Variants in WFDC2 observed in about 807,000 individuals in gnomAD.
WFDC2 encodes WAP four-disulfide core domain protein 2.
Under a neutral mutation model 12.5 loss-of-function variants are expected in WFDC2, and 8 were observed. The ratio of observed to expected loss-of-function variants is 0.64; its 90% CI spans 0.37 to 1.15. The LOEUF (loss-of-function observed/expected upper bound fraction) is 1.15. WFDC2 is among the 50% of genes most tolerant of loss of function. WFDC2 has a pLI of 0.01. For missense variants in WFDC2, 166 were observed against 159.9 expected (o/e 1.04, Z -0.21); for synonymous variants, 74 against 67.2 (o/e 1.10, Z -0.49).
In WFDC2 at chr20:45,470,327, T is replaced by C. The variant is rs1409651775; in HGVS notation, c.80-62T>C. 1.2e-5 allele frequency: 18 copies of C among 1,518,968 alleles called. No homozygotes were observed. Among genetic ancestry groups the C allele is most frequent in the Non-Finnish European group, 1.6e-5 (18 of 1,129,136 alleles). The allele number at this position is 1,518,968 out of a possible 1,614,324, so 94.1% of individuals were successfully genotyped here. On this transcript the variant is annotated intron_variant, in intron 1 of 3. Transcript: ENST00000372676. The surrounding 1 kb of genome is among the most constrained non-coding windows in gnomAD (Gnocchi z 5.4). ...TGGGGTTAAGGTTTGGAGCAGGAGGTGGGCATCCTCTGGGGCTGGCGCTAC... is the reference window on the plus strand; with the variant it reads ...TGGGGTTAAGGTTTGGAGCAGGAGGCGGGCATCCTCTGGGGCTGGCGCTAC...
intron 2 of WFDC2, among the ~76,000 whole-genome samples, chr20:45,477,542 A>G (rs201473478): frequency 5.5e-4 from 77 of 139,808 alleles, no homozygotes; most frequent in South Asian, 1.6e-3. Context: ...TCCTTCCTCT[A>G]GAAGCTTTGT....
intron 2 of WFDC2, chr20:45,479,692 C>T (rs1991276210): frequency 6.2e-7 from 1 of 1,613,912 alleles, no homozygotes; most frequent in Non-Finnish European, 8.5e-7. Context: ...GATTTCTGGC[C>T]CTAGGCCACG....
chr20:45,481,172 A>AG, intron 3 of WFDC2, among the ~76,000 whole-genome samples, 199 bp from the exon 4 acceptor site: 1 of 152,122 alleles, frequency 6.6e-6, no homozygotes, highest in Non-Finnish European at 1.5e-5. Flanking sequence ...GGTACCTGCT[A>AG]GGGATGGTCT....
At position 45,480,452 on chromosome 20, in the gene WFDC2, C is replaced by CAA. The variant is rs61338717; in HGVS notation, c.*1+374_*1+375dup. On this transcript the variant is annotated intron_variant, in intron 3 of 3. Transcript: ENST00000372676. ...GAAACCCCGTCTCTACTAAAAATACCAAAAAAAAAAAAAAAAATTTAATGG... is the reference window on the plus strand; with the variant it reads ...GAAACCCCGTCTCTACTAAAAATACCAAAAAAAAAAAAAAAAAAATTTAATGG... 3.4e-3 allele frequency among the ~76,000 whole-genome samples: 458 copies of CAA among 133,164 alleles called. 1 individual carries two copies. Among genetic ancestry groups the CAA allele is most frequent in the African/African-American group, 9.2e-3 (340 of 36,838 alleles). 87.4% of individuals were successfully genotyped at this position (133,164 alleles called of 152,430 possible).
chr20:45,476,734 G>A (rs1010368493), intron 2 of WFDC2, among the ~76,000 whole-genome samples: 1 of 152,166 alleles, frequency 6.6e-6, no homozygotes, highest in South Asian at 2.1e-4. Context: ...CTAGGTTGGG[G>A]AAGTTCTCCT....
At chr20:45,480,524 G>A (rs1025731431) in intron 3 of WFDC2, among the ~76,000 whole-genome samples, 7 of 152,098 alleles carry the variant, frequency 4.6e-5, no homozygotes, top group Admixed American at 2.6e-4. Flanking sequence ...GGCTGAGGCA[G>A]GAGAATTGCT....
At chr20:45,475,078 T>G (rs1009547305) in intron 2 of WFDC2, among the ~76,000 whole-genome samples, 1 of 152,190 alleles carries the variant, frequency 6.6e-6, no homozygotes, top group Admixed American at 6.5e-5. Context: ...TTTTCTTTAT[T>G]AGTATGGCTA....
intron 2 of WFDC2, among the ~76,000 whole-genome samples, chr20:45,473,443 C>T: frequency 6.6e-6 from 1 of 152,144 alleles, no homozygotes; most frequent in East Asian, 1.9e-4. Flanking sequence ...ATAGGGAATC[C>T]TTTCCCCATT....
At chr20:45,473,028 A>G (rs941449170) in intron 2 of WFDC2, among the ~76,000 whole-genome samples, 1 of 151,890 alleles carries the variant, frequency 6.6e-6, no homozygotes, top group Non-Finnish European at 1.5e-5. Context: ...CCACGTTCTA[A>G]TGGGGTTTTT....
At position 45,470,130 on chromosome 20, in the gene WFDC2, G is replaced by T. The variant is rs1228159587; in HGVS notation, c.80-259G>T. Among the ~76,000 whole-genome samples the T allele has an allele frequency of 6.6e-6, 1 of 152,122 alleles. No individual in the cohort carries two copies. Among genetic ancestry groups the T allele is most frequent in the Admixed American group, 6.5e-5 (1 of 15,280 alleles). On this transcript the variant is annotated intron_variant, in intron 1 of 3. Transcript: ENST00000372676. The surrounding 1 kb of genome is among the most constrained non-coding windows in gnomAD (Gnocchi z 5.4). Reference sequence around the variant, plus strand: ...GTGGGGGCTGCTCTGCCTCGACCTCGGAAGCTCCGAGACGCTCAGCTGTGC... The same window carrying T: ...GTGGGGGCTGCTCTGCCTCGACCTCTGAAGCTCCGAGACGCTCAGCTGTGC...
chr20:45,479,948 AG>A lies in WFDC2; in HGVS notation c.233del (p.Gly78ValfsTer6). ...TACTCCTTTTTCTACCCAGATAAGG[AG>A]GGTTCCTGCCCCCAGGTGAACATTA... is the stretch of plus-strand genomic sequence containing the variant. ...ATFCSLPNDK[E>X]GSCPQVNINF... is the part of the protein sequence containing the mutation. On this transcript the variant is annotated frameshift_variant, in exon 3 of 4. Coordinates refer to ENST00000372676, the MANE Select transcript of WFDC2 (RefSeq NM_006103.4). LOFTEE classifies it high-confidence loss of function. 6.2e-7 allele frequency: 1 copy of A among 1,614,176 alleles called. No homozygotes were observed. Among genetic ancestry groups the A allele is most frequent in the Middle Eastern group, 1.6e-4 (1 of 6,062 alleles).
In WFDC2 at chr20:45,470,608, G is replaced by A. The variant is rs1415764435; in HGVS notation, c.223+76G>A. 12 of 1,472,954 alleles carry A rather than the reference G, an allele frequency of 8.1e-6. No individual in the cohort carries two copies. Among genetic ancestry groups the A allele is most frequent in the African/African-American group, 5.6e-5 (4 of 70,922 alleles). The allele number at this position is 1,472,954 out of a possible 1,614,324, so 91.2% of individuals were successfully genotyped here. On this transcript the variant is annotated intron_variant, in intron 2 of 3. Coordinates refer to ENST00000372676, the MANE Select transcript of WFDC2 (RefSeq NM_006103.4). This position sits in a 1 kb window ranked among gnomAD's most constrained non-coding sequence, Gnocchi z 5.4. ...GAGGAGGTGGGAGGGCCCGGGTTCC[G>A]GGAACAGGGGCGCCCCCGGACCCGG...
intron 2 of WFDC2, among the ~76,000 whole-genome samples, chr20:45,473,257 A>G (rs1023234525): frequency 6.6e-6 from 1 of 152,178 alleles, no homozygotes; most frequent in African/African-American, 2.4e-5. Context: ...GTCTTTGCCC[A>G]TGCCTATGTC....
chr20:45,479,653 T>G, intron 2 of WFDC2: 2 of 1,609,270 alleles, frequency 1.2e-6, no homozygotes, highest in Non-Finnish European at 1.7e-6. Flanking sequence ...ACTGTTCCAC[T>G]GGCACCTAAA....
At chr20:45,479,014 A>G (rs118137394) in intron 2 of WFDC2, among the ~76,000 whole-genome samples, 3 of 152,350 alleles carry the variant, frequency 2.0e-5, no homozygotes, top group Non-Finnish European at 2.9e-5. Context: ...ATAATTGCCA[A>G]AAGTTGGAAG....
At position 45,475,559 on chromosome 20, in the gene WFDC2, G is replaced by A. The variant is rs187440737; in HGVS notation, c.224-4383G>A. 3.2e-3 allele frequency among the ~76,000 whole-genome samples: 484 copies of A among 152,162 alleles called. 1 individual carries two copies. Among genetic ancestry groups the A allele is most frequent in the Middle Eastern group, 6.8e-3 (2 of 294 alleles). Reference sequence around the variant, plus strand: ...GGTCTGAGAGACTGTTAGGATTTCCGTTCTTTTGCATTTGCTAATTAGTGT... The same window carrying A: ...GGTCTGAGAGACTGTTAGGATTTCCATTCTTTTGCATTTGCTAATTAGTGT... On this transcript the variant is annotated intron_variant, in intron 2 of 3. Coordinates refer to ENST00000372676, the MANE Select transcript of WFDC2 (RefSeq NM_006103.4).
At chr20:45,472,038 C>T (rs1991178846) in intron 2 of WFDC2, among the ~76,000 whole-genome samples, 1 of 152,078 alleles carries the variant, frequency 6.6e-6, no homozygotes, top group Non-Finnish European at 1.5e-5. Context: ...CCAGGGCAGC[C>T]CAATATTACA....
chr20:45,479,028 C>A (rs1991268774), intron 2 of WFDC2, among the ~76,000 whole-genome samples: 1 of 152,190 alleles, frequency 6.6e-6, no homozygotes, highest in Admixed American at 6.5e-5. Flanking sequence ...TTGGAAGCAA[C>A]CATGATGTAC....
At chr20:45,479,569 GT>G in intron 2 of WFDC2, 1 of 1,152,760 alleles carries the variant, frequency 8.7e-7, no homozygotes, top group East Asian at 2.3e-5. Context: ...CTACAGAGTA[GT>G]TTGATATTTC....
Sources: gnomAD v4.1 joint callset for allele counts (sites outside exome capture counted in the v4.1 genomes callset) on GRCh38, gnomAD v4.1.1 for gene constraint, Gnocchi (gnomAD v3.1) non-coding constraint, MANE v1.5 for transcripts, NCBI Gene and HGNC (gene_info 2026-07-23, HGNC 2026-07-21) for gene names.